The following DNM1 variants were observed in gnomAD, a reference collection of about 807,000 sequenced individuals.
DNM1 encodes dynamin 1.
DNM1 carries 29 observed loss-of-function variants against 104.6 expected under a neutral mutation model. That is an observed-to-expected ratio of 0.28 (90% CI 0.21 to 0.38). The LOEUF (loss-of-function observed/expected upper bound fraction) is 0.38. Ranked by LOEUF, DNM1 falls within the 10% of genes least tolerant of loss-of-function variation. DNM1 has a pLI of 1.00. For synonymous variants in DNM1, 445 were observed against 475.8 expected (o/e 0.94, Z 0.84); for missense variants, 640 against 1,189.4 (o/e 0.54, Z 6.79).
Position 128,219,056 on chromosome 9 carries a change from C to T in DNM1, c.393C>T (p.Asn131=), listed in dbSNP as rs1340462709. 1 of 1,614,012 alleles carries T rather than the reference C, an allele frequency of 6.2e-7. No homozygotes were observed. The highest frequency in any genetic ancestry group is 2.2e-5 in the East Asian group (1 of 44,882). ...TCTCGCCGCCCTGTCCAGTGCTGAA[C>T]CTGACCCTGGTGGACCTGCCCGGAA... The part of the protein sequence containing the change: ...NLRVYSPHVL[N]LTLVDLPGMT... The change falls in exon 4 of 22, where the codon AAC becomes AAT. Residue 131 remains asparagine, a synonymous_variant. Coordinates refer to ENST00000372923, the MANE Select transcript of DNM1 (RefSeq NM_004408.4).
At chr9:128,244,599 G>T in intron 15 of DNM1, 1 of 266,548 alleles carries the variant, frequency 3.8e-6, no homozygotes, top group Admixed American at 3.8e-5. Context: ...GTCCCACACA[G>T]GGTGGCACCC....
intron 1 of DNM1, among the ~76,000 whole-genome samples, chr9:128,212,843 C>T (rs1834382376): frequency 6.6e-6 from 1 of 152,224 alleles, no homozygotes. Context: ...GGTATATTCA[C>T]AGAGTGGTGC....
chr9:128,223,971 C>A (rs1417377861), intron 9 of DNM1: 5 of 228,902 alleles, frequency 2.2e-5, no homozygotes, highest in Non-Finnish European at 2.6e-5. Context: ...ATGGCGTGAA[C>A]CCGGGAGGCG....
intron 1 of DNM1, among the ~76,000 whole-genome samples, chr9:128,210,674 GAC>G (rs2131108622): frequency 6.6e-6 from 1 of 152,256 alleles, no homozygotes; most frequent in Admixed American, 6.5e-5. Flanking sequence ...TGGCAAAAAT[GAC>G]ACAGAGAGCG....
Position 128,222,280 on chromosome 9 carries a change from G to A in DNM1, c.933G>A (p.Val311=). Residue 311 remains valine (V), a synonymous_variant, in exon 7 of 22, where the codon GTG becomes GTA. Coordinates refer to ENST00000372923, the MANE Select transcript of DNM1 (RefSeq NM_004408.4). This position sits in a 1 kb window ranked among gnomAD's most constrained non-coding sequence, Gnocchi z 7.8. ...AGCTACTGTCCATTGAGAAGGAGGT[G>A]GAGGAATACAAGAACTTCCGCCCTG... ...QSQLLSIEKE[V]EEYKNFRPDD... The A allele has an allele frequency of 2.5e-6, 4 of 1,614,182 alleles. No individual in the cohort carries two copies. The highest frequency in any genetic ancestry group is 3.4e-6 in the Non-Finnish European group (4 of 1,180,014).
intron 11 of DNM1, among the ~76,000 whole-genome samples, chr9:128,235,367 G>A (rs752026609): frequency 7.9e-5 from 12 of 152,074 alleles, no homozygotes; most frequent in South Asian, 2.1e-4. Flanking sequence ...GGTGGTGGGC[G>A]CCTGTAATCC....
intron 16 of DNM1, chr9:128,246,798 TTCCC>T: frequency 2.9e-5 from 12 of 413,796 alleles, no homozygotes; most frequent in East Asian, 9.6e-5. Context: ...CATTCTCCCC[TTCCC>T]TCCCTCCCTC....
chr9:128,218,208 C>A lies in DNM1; in HGVS notation c.162-23C>A. 1.2e-6 allele frequency: 2 copies of A among 1,613,570 alleles called. No individual in the cohort carries two copies. Among genetic ancestry groups the A allele is most frequent in the Non-Finnish European group, 1.7e-6 (2 of 1,179,518 alleles). On this transcript the variant is annotated intron_variant, in intron 1 of 21. Transcript: ENST00000372923. This position sits in a 1 kb window ranked among gnomAD's most constrained non-coding sequence, Gnocchi z 4.8. ...GGCGCCCCCTCATATCTTGACCCTC[C>A]TTTGACCTCCAACTCATTGCAGGGA...
At chr9:128,211,465 G>A (rs1480889742) in intron 1 of DNM1, among the ~76,000 whole-genome samples, 1 of 143,250 alleles carries the variant, frequency 7.0e-6, no homozygotes, top group South Asian at 2.2e-4. Context: ...CTCTCGCCTG[G>A]AAGCCTCTTT....
At chr9:128,219,336 G>C in intron 4 of DNM1, 84 bp downstream of exon 4, 1 of 1,241,782 alleles carries the variant, frequency 8.1e-7, no homozygotes, top group Non-Finnish European at 1.2e-6. Flanking sequence ...CCTCTGAACG[G>C]TCTAAGAATA....
chr9:128,239,159 A>G (rs1237555013), intron 11 of DNM1, among the ~76,000 whole-genome samples: 1 of 151,960 alleles, frequency 6.6e-6, no homozygotes, highest in Non-Finnish European at 1.5e-5. Context: ...CACCATGCCT[A>G]GCTACCTTTT....
Position 128,240,258 on chromosome 9 carries a change from C to T in DNM1, c.1557+262C>T, listed in dbSNP as rs1030283703. Among the ~76,000 whole-genome samples the T allele has an allele frequency of 4.6e-5, 7 of 152,136 alleles. No homozygotes were observed. Among genetic ancestry groups the T allele is most frequent in the South Asian group, 2.1e-4 (1 of 4,832 alleles). The stretch of plus-strand genomic sequence containing the variant: ...GTGGGTGAGAAGGCTGGGCCTGGCA[C>T]GGAGTAGGTGCTCCTTAAACATCTG... On this transcript the variant is annotated intron_variant, in intron 14 of 21. Transcript: ENST00000372923. The surrounding 1 kb of genome is among the most constrained non-coding windows in gnomAD (Gnocchi z 5.1).
chr9:128,222,708 G>T lies in DNM1; in HGVS notation c.1129-85G>T. The T allele has an allele frequency of 1.3e-6, 2 of 1,593,124 alleles. No homozygotes were observed. Among genetic ancestry groups the T allele is most frequent in the South Asian group, 1.1e-5 (1 of 90,042 alleles). ...CCCACCCCACAGGCCCTGATGCCCA[G>T]CCCTAGGTGTGGGGTGGGCCCTGTC... On this transcript the variant is annotated intron_variant, in intron 8 of 21. Coordinates refer to ENST00000372923, the MANE Select transcript of DNM1 (RefSeq NM_004408.4). This position sits in a 1 kb window ranked among gnomAD's most constrained non-coding sequence, Gnocchi z 7.8.
intron 10 of DNM1, chr9:128,231,966 G>C (rs1454077914): frequency 6.6e-6 from 3 of 456,220 alleles, no homozygotes; most frequent in Non-Finnish European, 1.3e-5. Context: ...GGCTGAGAGG[G>C]GAACGTTCCT....
Position 128,246,350 on chromosome 9 carries a change from G to T in DNM1, c.1672-44G>T, listed in dbSNP as rs1198381994. On this transcript the variant is annotated intron_variant, in intron 15 of 21. Coordinates refer to ENST00000372923, the MANE Select transcript of DNM1 (RefSeq NM_004408.4). The stretch of plus-strand genomic sequence containing the variant: ...CTCTTAGAGAGTGAGGTGTGGCAGA[G>T]AACAGTGCCAACCTCACCCCATTGC... The T allele has an allele frequency of 3.7e-6, 5 of 1,360,194 alleles. No individual in the cohort carries two copies. The Admixed American group carries it at 8.4e-5, about 23-fold the overall frequency. The allele number at this position is 1,360,194 out of a possible 1,614,324, so 84.3% of individuals were successfully genotyped here.
rs140950284 is a variant in DNM1 at position 128,220,742 on chromosome 9, C to CGTGTGTGTGTGTGTGT, written c.849+412_849+427dup. 1.0e-3 allele frequency among the ~76,000 whole-genome samples: 138 copies of CGTGTGTGTGTGTGTGT among 136,358 alleles called. No individual in the cohort carries two copies. The highest frequency in any genetic ancestry group is 2.6e-3 in the African/African-American group (99 of 37,806). The allele number at this position is 136,358 out of a possible 152,430, so 89.5% of individuals were successfully genotyped here. ...CAGAACTGAAGTGCGCGCGCGCGCG[C>CGTGTGTGTGTGTGTGT]GTGTGTGTGTGTGTGTGTGTGTGTG... On this transcript the variant is annotated intron_variant, in intron 6 of 21. Transcript: ENST00000372923. This position sits in a 1 kb window ranked among gnomAD's most constrained non-coding sequence, Gnocchi z 5.2.
chr9:128,230,194 G>T (rs1835591343), intron 10 of DNM1, among the ~76,000 whole-genome samples: 1 of 148,822 alleles, frequency 6.7e-6, no homozygotes. Context: ...TCCAGCCTGG[G>T]TGACAGATCG....
At chr9:128,252,153 TG>T (rs1308584876) in intron 21 of DNM1, 1 of 198,278 alleles carries the variant, frequency 5.0e-6, no homozygotes, top group African/African-American at 2.4e-5. Context: ...AGGGCGGTTG[TG>T]GGGATCGAGG....
At position 128,254,285 on chromosome 9, in the gene DNM1, C is replaced by G. The variant is rs1172463314; in HGVS notation, c.2535-369C>G. The stretch of plus-strand genomic sequence containing the variant: ...GGGGCTCCCCAAGGCAAGGGGTGGC[C>G]CCAGGCCAGTGGGTTGGAAGACAGG... On this transcript the variant is annotated intron_variant, in intron 21 of 21. Coordinates refer to ENST00000372923, the MANE Select transcript of DNM1 (RefSeq NM_004408.4). The surrounding 1 kb of genome is among the most constrained non-coding windows in gnomAD (Gnocchi z 6.1). The G allele has an allele frequency of 7.2e-7, 1 of 1,392,620 alleles. No individual in the cohort carries two copies. Among genetic ancestry groups the G allele is most frequent in the Non-Finnish European group, 9.2e-7 (1 of 1,083,886 alleles). The allele number at this position is 1,392,620 out of a possible 1,614,324, so 86.3% of individuals were successfully genotyped here. A position where few individuals can be genotyped will look rare whatever the true frequency, so the allele number is the denominator to read the frequency against.
Sources: allele counts gnomAD v4.1 joint callset (sites outside exome capture counted in the v4.1 genomes callset), GRCh38; gene constraint gnomAD v4.1.1; non-coding constraint Gnocchi (gnomAD v3.1); transcripts MANE v1.5; gene names NCBI Gene and HGNC (gene_info 2026-07-23, HGNC 2026-07-21).